The following QKI variants were observed in gnomAD, a reference collection of about 807,000 sequenced individuals.
QKI encodes KH domain-containing RNA-binding protein QKI.
A neutral mutation model predicts 39.0 loss-of-function variants in QKI; 10 were observed. That is an observed-to-expected ratio of 0.26 (90% CI 0.16 to 0.43). The LOEUF is 0.43. Among genes scored for constraint, QKI ranks in the 20% least tolerant of loss-of-function variants. QKI has a pLI of 1.00. For synonymous variants in QKI, 204 were observed against 155.4 expected (o/e 1.31, Z -2.33); for missense variants, 218 against 428.0 (o/e 0.51, Z 4.33).
chr6:163,456,523 A>G (rs1181645041), intron 2 of QKI, among the ~76,000 whole-genome samples: 3 of 152,212 alleles, frequency 2.0e-5, no homozygotes, highest in East Asian at 3.9e-4. Context: ...GATGTGCTCT[A>G]TGATTCTTTA....
At chr6:163,437,042 C>T (rs758440728) in intron 1 of QKI, among the ~76,000 whole-genome samples, 2 of 152,072 alleles carry the variant, frequency 1.3e-5, no homozygotes, top group Non-Finnish European at 2.9e-5. Flanking sequence ...ATTCCCTTAT[C>T]GGTGACATAG....
chr6:163,490,739 A>C (rs1325230953), intron 3 of QKI, among the ~76,000 whole-genome samples: 1 of 152,176 alleles, frequency 6.6e-6, no homozygotes, highest in Non-Finnish European at 1.5e-5. Context: ...AAGTTATATG[A>C]TGTATTAATT....
At chr6:163,498,761 G>A (rs1317768169) in intron 3 of QKI, among the ~76,000 whole-genome samples, 1 of 152,090 alleles carries the variant, frequency 6.6e-6, no homozygotes, top group East Asian at 1.9e-4. Flanking sequence ...TGTGTCTGCT[G>A]TTAGAATATA....
chr6:163,535,707 G>A (rs1477002002), intron 4 of QKI, among the ~76,000 whole-genome samples: 1 of 151,952 alleles, frequency 6.6e-6, no homozygotes, highest in African/African-American at 2.4e-5. Context: ...GAGGCGGTTG[G>A]ATCACCTGAG....
At chr6:163,483,760 T>TG (rs1178324821) in intron 3 of QKI, among the ~76,000 whole-genome samples, 10 of 152,346 alleles carry the variant, frequency 6.6e-5, no homozygotes, top group Admixed American at 3.9e-4. Flanking sequence ...TCCAGACTCC[T>TG]GCTAATGTTG....
chr6:163,499,062 G>A lies in QKI; in HGVS notation c.402+20166G>A, dbSNP rs190855422. Among the ~76,000 whole-genome samples the A allele has an allele frequency of 4.9e-3, 752 of 152,130 alleles. 6 individuals carry two copies. Among genetic ancestry groups the A allele is most frequent in the African/African-American group, 0.017 (701 of 41,508 alleles). On this transcript the variant is annotated intron_variant, in intron 3 of 7. Transcript: ENST00000361752. ...GTATATTGAACTATCAAAGGGCAAG[G>A]GTGTCGACACAGGTATGCAGTTCTA...
At chr6:163,471,790 G>GT (rs1242741602) in intron 2 of QKI, among the ~76,000 whole-genome samples, 5 of 152,098 alleles carry the variant, frequency 3.3e-5, no homozygotes, top group Non-Finnish European at 7.4e-5. Flanking sequence ...AAACCATGTA[G>GT]TATAAATTGG....
At chr6:163,458,572 T>G (rs1330341400) in intron 2 of QKI, among the ~76,000 whole-genome samples, 2 of 152,220 alleles carry the variant, frequency 1.3e-5, no homozygotes, top group African/African-American at 4.8e-5. Flanking sequence ...AGCACCTTAC[T>G]TACAGAAGTC....
chr6:163,569,957 TAA>T, intron 7 of QKI: 1 of 986,496 alleles, frequency 1.0e-6, no homozygotes, highest in East Asian at 1.1e-4. Context: ...TCTATATGTG[TAA>T]AATAGTATTT....
chr6:163,447,954 A>G (rs995516517), intron 1 of QKI, among the ~76,000 whole-genome samples: 1 of 152,180 alleles, frequency 6.6e-6, no homozygotes, highest in Non-Finnish European at 1.5e-5. Context: ...ATTACTGTTA[A>G]TAGTTGTATC....
At chr6:163,426,538 G>A (rs1258106142) in intron 1 of QKI, among the ~76,000 whole-genome samples, 1 of 151,826 alleles carries the variant, frequency 6.6e-6, no homozygotes, top group Non-Finnish European at 1.5e-5. Flanking sequence ...TTCCCCACTT[G>A]GAACCAGAAG....
intron 4 of QKI, among the ~76,000 whole-genome samples, chr6:163,560,918 A>G (rs1374414451): frequency 1.3e-5 from 2 of 152,106 alleles, no homozygotes. Flanking sequence ...TTCAAGGTAA[A>G]TGGGGTGGCC....
chr6:163,552,133 TAAG>T (rs1424044252), intron 4 of QKI, among the ~76,000 whole-genome samples: 1 of 151,444 alleles, frequency 6.6e-6, no homozygotes, highest in Non-Finnish European at 1.5e-5. Context: ...AAAATGTTAT[TAAG>T]AAAATCAGAA....
At chr6:163,509,420 T>G (rs1174378882) in intron 3 of QKI, among the ~76,000 whole-genome samples, 1 of 151,378 alleles carries the variant, frequency 6.6e-6, no homozygotes, top group African/African-American at 2.4e-5. Flanking sequence ...AAAATAACCA[T>G]TTTTTTTGCT....
intron 4 of QKI, among the ~76,000 whole-genome samples, chr6:163,552,206 CTTTTTTTT>C (rs35060699): frequency 2.0e-5 from 2 of 101,770 alleles, no homozygotes; most frequent in Non-Finnish European, 3.7e-5. Context: ...TTCGTTCGTT[CTTTTTTTT>C]TTTTTTTTTT....
At chr6:163,418,760 CTT>C (rs1192213790) in intron 1 of QKI, among the ~76,000 whole-genome samples, 1 of 152,060 alleles carries the variant, frequency 6.6e-6, no homozygotes, top group Non-Finnish European at 1.5e-5. Flanking sequence ...AAAAAACAGA[CTT>C]TTCTTGTCAT....
At chr6:163,512,207 C>T (rs1277854702) in intron 3 of QKI, among the ~76,000 whole-genome samples, 1 of 151,842 alleles carries the variant, frequency 6.6e-6, no homozygotes, top group African/African-American at 2.4e-5. Flanking sequence ...ATAAATTCGC[C>T]TTATGAAAAG....
At chr6:163,459,711 G>A (rs1428905099) in intron 2 of QKI, among the ~76,000 whole-genome samples, 2 of 152,210 alleles carry the variant, frequency 1.3e-5, no homozygotes, top group Non-Finnish European at 2.9e-5. Context: ...ATCTGATAGA[G>A]CAGGCACTCT....
chr6:163,481,688 T>C (rs1378934861), intron 3 of QKI, among the ~76,000 whole-genome samples: 1 of 152,230 alleles, frequency 6.6e-6, no homozygotes, highest in African/African-American at 2.4e-5. Flanking sequence ...TGGATTGTTA[T>C]TATTTCAGCA....
Sources: allele counts gnomAD v4.1 joint callset (sites outside exome capture counted in the v4.1 genomes callset), GRCh38; gene constraint gnomAD v4.1.1; transcripts MANE v1.5; gene names NCBI Gene and HGNC (gene_info 2026-07-23, HGNC 2026-07-21).